TRPM3: variants seen among roughly 807,000 people sequenced by gnomAD.
The protein encoded by TRPM3 is transient receptor potential cation channel subfamily M member 3.
In TRPM3, 77 loss-of-function variants were observed where a neutral mutation model predicts 181.2. The observed-to-expected ratio is 0.42, with a 90% CI of 0.35 to 0.51. The LOEUF is 0.51. Ranked by LOEUF, TRPM3 falls within the 20% of genes least tolerant of loss-of-function variation. The pLI is 0.01. For synonymous variants in TRPM3, 745 were observed against 796.4 expected (o/e 0.94, Z 1.09); for missense variants, 1,759 against 2,196.7 (o/e 0.80, Z 3.98).
intron 1 of TRPM3, among the ~76,000 whole-genome samples, chr9:71,338,537 A>C (rs1232988133): frequency 1.3e-5 from 2 of 152,146 alleles, no homozygotes; most frequent in South Asian, 4.1e-4. Flanking sequence ...ACCTATGATC[A>C]ATGTTAAACT....
chr9:71,089,572 T>TG (rs965738557), intron 1 of TRPM3, among the ~76,000 whole-genome samples: 13 of 150,168 alleles, frequency 8.7e-5, no homozygotes, highest in African/African-American at 3.0e-4. Context: ...GACAATGATG[T>TG]GAAAAAAAAA....
intron 1 of TRPM3, among the ~76,000 whole-genome samples, chr9:70,963,213 G>A (rs1197539908): frequency 6.6e-6 from 1 of 152,164 alleles, no homozygotes; most frequent in Non-Finnish European, 1.5e-5. Context: ...AAGGATAAAA[G>A]AGTCATCTTT....
At chr9:71,429,079 G>T (rs543548042) in intron 1 of TRPM3, among the ~76,000 whole-genome samples, 1 of 152,188 alleles carries the variant, frequency 6.6e-6, no homozygotes, top group South Asian at 2.1e-4. Context: ...TCAGCCAGAG[G>T]GAAACTGGAA....
chr9:71,308,384 GA>G (rs2087585683), intron 1 of TRPM3, among the ~76,000 whole-genome samples: 1 of 152,088 alleles, frequency 6.6e-6, no homozygotes, highest in Non-Finnish European at 1.5e-5. Flanking sequence ...AAATTGAGGG[GA>G]AGATTAACAG....
chr9:71,295,554 G>T (rs1206660632), intron 1 of TRPM3, among the ~76,000 whole-genome samples: 1 of 147,082 alleles, frequency 6.8e-6, no homozygotes, highest in Non-Finnish European at 1.5e-5. Context: ...ATGCTGCCAG[G>T]TGCAGTGGCT....
chr9:71,074,087 G>A (rs1043996346), intron 1 of TRPM3, among the ~76,000 whole-genome samples: 2 of 152,060 alleles, frequency 1.3e-5, no homozygotes, highest in African/African-American at 4.8e-5. Context: ...AGAGGCTAGC[G>A]GAACCATGAT....
chr9:70,691,174 A>T (rs10118035), intron 8 of TRPM3, among the ~76,000 whole-genome samples: 98,547 of 151,956 alleles, frequency 0.65, 32,225 homozygotes, highest in African/African-American at 0.73. Context: ...TAAATTAAAT[A>T]TTGATTTTTC....
chr9:70,786,311 CAAA>C lies in TRPM3; in HGVS notation c.974-2035_974-2033del, dbSNP rs71367227. On this transcript the variant is annotated intron_variant, in intron 6 of 25. Transcript: ENST00000677713. ...GAAACCCTGTCACTACTAAAAATAC[CAAA>C]AAAAAAAAAAAAAAAAAAAAATTAG... is the stretch of plus-strand genomic sequence containing the variant. Among the ~76,000 whole-genome samples, 8 of 54,470 alleles carry C rather than the reference CAAA, an allele frequency of 1.5e-4. 1 individual carries two copies. The highest frequency in any genetic ancestry group is 1.7e-4 in the Non-Finnish European group (5 of 29,128). 35.7% of individuals were successfully genotyped at this position (54,470 alleles called of 152,430 possible). A position where few individuals can be genotyped will look rare whatever the true frequency, so the allele number is the denominator to read the frequency against.
intron 9 of TRPM3, among the ~76,000 whole-genome samples, chr9:70,670,939 A>G (rs2062797655): frequency 6.6e-6 from 1 of 152,208 alleles, no homozygotes; most frequent in Non-Finnish European, 1.5e-5. Flanking sequence ...CCAGTAAAGA[A>G]TTAGGATTTA....
chr9:71,216,867 C>T (rs2079899666), intron 1 of TRPM3, among the ~76,000 whole-genome samples: 1 of 151,166 alleles, frequency 6.6e-6, no homozygotes, highest in South Asian at 2.1e-4. Flanking sequence ...AAGAAGACAT[C>T]CTTTGTGAAA....
intron 1 of TRPM3, among the ~76,000 whole-genome samples, chr9:71,414,891 ATT>A (rs774291403): frequency 2.6e-5 from 4 of 152,052 alleles, no homozygotes; most frequent in Non-Finnish European, 5.9e-5. Flanking sequence ...AGCAGGCTTC[ATT>A]TTTTTAGGTC....
chr9:71,415,809 T>C (rs1429738885), intron 1 of TRPM3, among the ~76,000 whole-genome samples: 4 of 151,854 alleles, frequency 2.6e-5, no homozygotes, highest in Non-Finnish European at 1.5e-5. Context: ...TATCTCTAGA[T>C]TTATGGTACA....
At chr9:70,889,144 G>A (rs553735843) in intron 1 of TRPM3, among the ~76,000 whole-genome samples, 1 of 152,220 alleles carries the variant, frequency 6.6e-6, no homozygotes, top group Non-Finnish European at 1.5e-5. Flanking sequence ...AGGAATAAAG[G>A]CACCAGGTAT....
chr9:71,406,382 A>T (rs17619435), intron 1 of TRPM3, among the ~76,000 whole-genome samples: 33,467 of 152,172 alleles, frequency 0.22, 4,123 homozygotes, highest in Middle Eastern at 0.34. Context: ...AAAGGACAGA[A>T]AGCTATGTTA....
chr9:71,322,206 A>G (rs1029320274), intron 1 of TRPM3, among the ~76,000 whole-genome samples: 5 of 151,992 alleles, frequency 3.3e-5, no homozygotes, highest in Non-Finnish European at 5.9e-5. Flanking sequence ...ATATGATTTG[A>G]GGTTCCATCA....
At chr9:70,863,456 A>ATCAC (rs766628027) in intron 2 of TRPM3, among the ~76,000 whole-genome samples, 8 of 152,114 alleles carry the variant, frequency 5.3e-5, no homozygotes, top group Non-Finnish European at 1.0e-4. Flanking sequence ...CAGCCCATCT[A>ATCAC]TCAAATCTAT....
chr9:70,757,962 A>G (rs541257743), intron 8 of TRPM3, among the ~76,000 whole-genome samples: 215 of 152,300 alleles, frequency 1.4e-3, no homozygotes, highest in African/African-American at 4.8e-3. Flanking sequence ...TCAACATAGT[A>G]TTGGAAGTTC....
At chr9:70,961,959 T>C (rs910931085) in intron 1 of TRPM3, among the ~76,000 whole-genome samples, 1 of 152,118 alleles carries the variant, frequency 6.6e-6, no homozygotes, top group Admixed American at 6.6e-5. Context: ...ATAGAATGAC[T>C]CTATAGGACT....
At chr9:71,195,984 G>T (rs1278395939) in intron 1 of TRPM3, among the ~76,000 whole-genome samples, 3 of 151,950 alleles carry the variant, frequency 2.0e-5, no homozygotes, top group Admixed American at 2.0e-4. Context: ...ACCCTTTGGA[G>T]GAGGGAGAGG....
Sources: gnomAD v4.1 joint callset for allele counts (sites outside exome capture counted in the v4.1 genomes callset) on GRCh38, gnomAD v4.1.1 for gene constraint, MANE v1.5 for transcripts, NCBI Gene and HGNC (gene_info 2026-07-23, HGNC 2026-07-21) for gene names.